NSUN7: variants seen among roughly 807,000 people sequenced by gnomAD.
NSUN7 encodes the protein protein NSUN7.
NSUN7 carries 39 observed loss-of-function variants against 58.5 expected under a neutral mutation model. The ratio of observed to expected loss-of-function variants is 0.67; its 90% CI spans 0.52 to 0.87. NSUN7 has a LOEUF of 0.87. NSUN7 is among the 40% of genes least tolerant of loss of function. The pLI, the probability that NSUN7 is intolerant of heterozygous loss-of-function variation, is 0.00. For synonymous variants in NSUN7, 278 were observed against 303.7 expected (o/e 0.92, Z 0.88); for missense variants, 765 against 844.1 (o/e 0.91, Z 1.16).
chr4:40,779,703 G>A (rs990511677), intron 7 of NSUN7, among the ~76,000 whole-genome samples: 1 of 152,286 alleles, frequency 6.6e-6, no homozygotes, highest in African/African-American at 2.4e-5. Context: ...ATAATCTAAT[G>A]TTTAATGGGG....
chr4:40,780,772 C>A (rs1742495181), intron 7 of NSUN7, among the ~76,000 whole-genome samples: 1 of 68,984 alleles, frequency 1.4e-5, no homozygotes, highest in Non-Finnish European at 3.0e-5. Context: ...CACACACACA[C>A]ACACACACAC....
intron 7 of NSUN7, among the ~76,000 whole-genome samples, chr4:40,785,401 C>T (rs1742768366): frequency 6.6e-6 from 1 of 151,968 alleles, no homozygotes. Flanking sequence ...CTCTTGTTGC[C>T]CAGGCTGGAG....
intron 7 of NSUN7, among the ~76,000 whole-genome samples, chr4:40,778,886 G>C (rs1205752595): frequency 1.3e-5 from 2 of 152,130 alleles, no homozygotes; most frequent in Admixed American, 6.6e-5. Context: ...TCATAATGCT[G>C]AAAGAAACTG....
intron 4 of NSUN7, 71 bp downstream of exon 4, chr4:40,761,372 C>T: frequency 1.7e-6 from 2 of 1,207,924 alleles, no homozygotes; most frequent in South Asian, 1.3e-5. Flanking sequence ...AAATTACATA[C>T]AGTATAATGT....
intron 7 of NSUN7, among the ~76,000 whole-genome samples, chr4:40,782,008 G>A (rs979164127): frequency 6.6e-6 from 1 of 152,076 alleles, no homozygotes; most frequent in African/African-American, 2.4e-5. Context: ...AATATATAGA[G>A]AGTAAAATTG....
chr4:40,807,317 G>A (rs919020064), intron 11 of NSUN7, 133 bp downstream of exon 11: 9 of 808,562 alleles, frequency 1.1e-5, no homozygotes, highest in South Asian at 9.9e-5. Context: ...TCAGCTGAAG[G>A]GCAGGAACAA....
At position 40,750,303 on chromosome 4, in the gene NSUN7, A is replaced by C; in HGVS notation, c.-92+3A>C. The C allele has an allele frequency of 1.2e-5, 2 of 172,918 alleles. No homozygotes were observed. Among genetic ancestry groups the C allele is most frequent in the Non-Finnish European group, 2.5e-5 (2 of 81,138 alleles). 10.7% of individuals were successfully genotyped at this position (172,918 alleles called of 1,614,324 possible). A position where few individuals can be genotyped will look rare whatever the true frequency, so the allele number is the denominator to read the frequency against. ...CCCGGGAACCATCCGCCCTCGGGGT[A>C]AGGGAGGAGTCGGGGGAGCCGGTGA... is the stretch of plus-strand genomic sequence containing the variant. On this transcript the variant is annotated splice_donor_region_variant and intron_variant, in intron 1 of 11. Coordinates refer to ENST00000381782, the MANE Select transcript of NSUN7 (RefSeq NM_024677.6).
At chr4:40,764,536 A>G (rs1354191737) in intron 4 of NSUN7, among the ~76,000 whole-genome samples, 2 of 152,084 alleles carry the variant, frequency 1.3e-5, no homozygotes, top group Non-Finnish European at 2.9e-5. Flanking sequence ...GCTGCAATAA[A>G]CATACATGTG....
chr4:40,810,830 T>C lies in NSUN7; in HGVS notation c.*1891T>C, dbSNP rs1744261590. The C allele has an allele frequency of 6.6e-6, 1 of 152,180 alleles. No individual in the cohort carries two copies. The highest frequency in any genetic ancestry group is 2.1e-4 in the South Asian group (1 of 4,826). 9.4% of individuals were successfully genotyped at this position (152,180 alleles called of 1,614,324 possible). On this transcript the variant is annotated 3_prime_UTR_variant, in exon 12 of 12. Coordinates refer to ENST00000381782, the MANE Select transcript of NSUN7 (RefSeq NM_024677.6). ...ATTTCTATCTGGTTGGTTAGGGTAG[T>C]CCATGCCTCAAGGAAGGCGGTGCAG...
Position 40,799,073 on chromosome 4 carries a change from C to CTTTTTTTTT in NSUN7, c.1400+190_1400+198dup, listed in dbSNP as rs761448412. 1.1e-3 allele frequency among the ~76,000 whole-genome samples: 85 copies of CTTTTTTTTT among 76,232 alleles called. 18 individuals carry two copies. The highest frequency in any genetic ancestry group is 3.5e-3 in the African/African-American group (70 of 20,154). 50.0% of individuals were successfully genotyped at this position (76,232 alleles called of 152,430 possible). A position where few individuals can be genotyped will look rare whatever the true frequency, so the allele number is the denominator to read the frequency against. ...AACCAAGATTCCATAGGGCCTTTTT[C>CTTTTTTTTT]TTTTTTTTTTTTTTTTTTTTTTTTT... is the stretch of plus-strand genomic sequence containing the variant. On this transcript the variant is annotated intron_variant, in intron 10 of 11. Coordinates refer to ENST00000381782, the MANE Select transcript of NSUN7 (RefSeq NM_024677.6).
At chr4:40,753,460 A>G (rs1740939596) in intron 2 of NSUN7, among the ~76,000 whole-genome samples, 1 of 151,940 alleles carries the variant, frequency 6.6e-6, no homozygotes, top group Admixed American at 6.6e-5. Flanking sequence ...TTTAGTAGAG[A>G]TGGGGCTTCA....
In NSUN7 at chr4:40,776,108, T is replaced by C; in HGVS notation, c.885T>C (p.Asp295=). 1 of 1,609,990 alleles carries C rather than the reference T, an allele frequency of 6.2e-7. No homozygotes were observed. Among genetic ancestry groups the C allele is most frequent in the Non-Finnish European group, 8.5e-7 (1 of 1,177,614 alleles). Residue 295 remains aspartate, a synonymous_variant, in exon 7 of 12, where the codon GAT becomes GAC. Transcript: ENST00000381782. ...AGGCTTTATTAAATATGGATGATGA[T>C]GTCTTAATGGTCAATACAGGCTCAT... The part of the protein sequence containing the change: ...SVKALLNMDD[D]VLMVNTGSWY...
intron 10 of NSUN7, among the ~76,000 whole-genome samples, chr4:40,804,910 C>G (rs1743751680): frequency 6.6e-6 from 1 of 152,144 alleles, no homozygotes; most frequent in South Asian, 2.1e-4. Context: ...CAGAGGAAAA[C>G]CACCACCAAA....
At chr4:40,801,197 G>A (rs1317571721) in intron 10 of NSUN7, among the ~76,000 whole-genome samples, 1 of 152,188 alleles carries the variant, frequency 6.6e-6, no homozygotes, top group Non-Finnish European at 1.5e-5. Context: ...TCCTGGAGAT[G>A]TTAACATCCC....
At chr4:40,800,746 A>T (rs1008304341) in intron 10 of NSUN7, among the ~76,000 whole-genome samples, 1 of 152,226 alleles carries the variant, frequency 6.6e-6, no homozygotes, top group Non-Finnish European at 1.5e-5. Context: ...TTTCTGGAAT[A>T]TTATATTACA....
intron 10 of NSUN7, among the ~76,000 whole-genome samples, chr4:40,799,213 G>GTGGC (rs1743469502): frequency 6.6e-6 from 1 of 150,804 alleles, no homozygotes; most frequent in Non-Finnish European, 1.5e-5. Context: ...AGCCTCCCAA[G>GTGGC]TGGCTGGGAT....
At chr4:40,799,117 G>T (rs1577583700) in intron 10 of NSUN7, among the ~76,000 whole-genome samples, 1 of 95,904 alleles carries the variant, frequency 1.0e-5, no homozygotes, top group Non-Finnish European at 1.9e-5. Flanking sequence ...ATGGAATCTT[G>T]CTCTGTCATC....
intron 4 of NSUN7, among the ~76,000 whole-genome samples, chr4:40,763,196 G>A (rs1477925291): frequency 6.6e-6 from 1 of 152,176 alleles, no homozygotes; most frequent in East Asian, 1.9e-4. Context: ...TACTCTGGAA[G>A]TTTAGAACAT....
Position 40,808,770 on chromosome 4 carries a change from C to A in NSUN7, c.1988C>A (p.Pro663His), listed in dbSNP as rs1306839912. 6 of 1,549,524 alleles carry A rather than the reference C, an allele frequency of 3.9e-6. No homozygotes were observed. Among genetic ancestry groups the A allele is most frequent in the Non-Finnish European group, 5.2e-6 (6 of 1,146,550 alleles). The change falls in exon 12 of 12, where the codon CCC becomes CAC. Residue 663 changes from proline to histidine, a missense_variant. Physicochemically the swap from Pro to His is moderately conservative, Grantham distance 77. Transcript: ENST00000381782. ...LPPVFMPFSSPQGIRSRMPTQ... is the reference protein window; with the variant it reads ...LPPVFMPFSSHQGIRSRMPTQ... ...CCAGTCTTTATGCCATTTTCAAGTC[C>A]CCAAGGGATCAGATCTCGGATGCCA... is the stretch of plus-strand genomic sequence containing the variant.
Sources: gnomAD v4.1 joint callset for allele counts (sites outside exome capture counted in the v4.1 genomes callset) on GRCh38, gnomAD v4.1.1 for gene constraint, MANE v1.5 for transcripts, NCBI Gene and HGNC (gene_info 2026-07-23, HGNC 2026-07-21) for gene names.